Variants in CNBD1 observed in about 807,000 individuals in gnomAD.
The protein encoded by CNBD1 is cyclic nucleotide-binding domain-containing protein 1.
In CNBD1, 71 loss-of-function variants were observed where a neutral mutation model predicts 54.4. The ratio of observed to expected loss-of-function variants is 1.30; its 90% confidence interval spans 1.08 to 1.59. The LOEUF (loss-of-function observed/expected upper bound fraction) is 1.59, where lower values mean the gene tolerates loss of function less well. Ranked by LOEUF, CNBD1 falls within the 40% of genes most tolerant of loss-of-function variation. CNBD1 has a pLI of 0.00. For missense variants in CNBD1, 659 were observed against 518.0 expected (o/e 1.27, Z -2.64); for synonymous variants, 182 against 170.7 (o/e 1.07, Z -0.51).
chr8:86,988,161 TA>T lies in CNBD1; in HGVS notation c.431+48408del, dbSNP rs1332043470. Among the ~76,000 whole-genome samples the T allele has an allele frequency of 7.9e-3, 899 of 113,580 alleles. 6 individuals carry two copies. Among genetic ancestry groups the T allele is most frequent in the African/African-American group, 0.023 (691 of 30,346 alleles). 74.5% of individuals were successfully genotyped at this position (113,580 alleles called of 152,430 possible). A position where few individuals can be genotyped will look rare whatever the true frequency, so the allele number is the denominator to read the frequency against. On this transcript the variant is annotated intron_variant, in intron 4 of 10. Coordinates refer to ENST00000518476, the MANE Select transcript of CNBD1 (RefSeq NM_173538.3). ...TTGATAGGTTTTTTTTTTTTTTTTT[TA>T]TTACTGATTCAATTTTGAAATTCAC...
chr8:87,273,293 G>C (rs1478758974), intron 6 of CNBD1, among the ~76,000 whole-genome samples: 2 of 151,876 alleles, frequency 1.3e-5, no homozygotes, highest in African/African-American at 4.8e-5. Context: ...TCATGAAAAT[G>C]CTGAATCATG....
At chr8:87,057,160 C>T (rs1443054782) in intron 4 of CNBD1, among the ~76,000 whole-genome samples, 2 of 152,164 alleles carry the variant, frequency 1.3e-5, no homozygotes, top group Non-Finnish European at 1.5e-5. Context: ...CCTCATGCTT[C>T]TGTGAAGAAA....
downstream of CNBD1, among the ~76,000 whole-genome samples, chr8:87,387,242 T>G (rs62528163): frequency 0.048 from 7,295 of 152,088 alleles, 220 homozygotes; most frequent in Non-Finnish European, 0.06. Context: ...CAGGATCAAG[T>G]TCACACATAA....
chr8:87,032,710 T>G (rs1215824872), intron 4 of CNBD1, among the ~76,000 whole-genome samples: 1 of 152,242 alleles, frequency 6.6e-6, no homozygotes, highest in East Asian at 1.9e-4. Context: ...CAATCATTCT[T>G]CCACCATTTG....
At chr8:86,977,279 A>T (rs534773798) in intron 4 of CNBD1, among the ~76,000 whole-genome samples, 207 of 118,270 alleles carry the variant, frequency 1.8e-3, no homozygotes, top group African/African-American at 6.3e-3. Context: ...ATTTCTTTCA[A>T]TATAATTTTT....
At chr8:86,921,674 A>G (rs2131825129) in intron 3 of CNBD1, among the ~76,000 whole-genome samples, 1 of 152,268 alleles carries the variant, frequency 6.6e-6, no homozygotes, top group South Asian at 2.1e-4. Flanking sequence ...CACTACCACA[A>G]GAACAGTATG....
intron 4 of CNBD1, among the ~76,000 whole-genome samples, chr8:87,082,048 C>T (rs1811005611): frequency 6.6e-6 from 1 of 152,118 alleles, no homozygotes; most frequent in African/African-American, 2.4e-5. Flanking sequence ...ATTGTCAGGC[C>T]TCTGAGCCCA....
chr8:87,364,820 T>C (rs940598900), intron 10 of CNBD1, among the ~76,000 whole-genome samples: 3 of 152,094 alleles, frequency 2.0e-5, no homozygotes, highest in African/African-American at 7.2e-5. Context: ...AAGGACATGA[T>C]ATCATTCTTT....
intron 10 of CNBD1, among the ~76,000 whole-genome samples, chr8:87,375,924 A>C (rs1810921092): frequency 6.6e-6 from 1 of 151,944 alleles, no homozygotes. Flanking sequence ...ATGTTGATAA[A>C]AGATAAATAG....
chr8:86,943,190 G>A (rs1489551060), intron 4 of CNBD1, among the ~76,000 whole-genome samples: 1 of 151,708 alleles, frequency 6.6e-6, no homozygotes, highest in Non-Finnish European at 1.5e-5. Context: ...AAACCATCCT[G>A]GCCAACCTGG....
chr8:87,286,622 A>G lies in CNBD1; in HGVS notation c.993A>G (p.Ile331Met). 1 of 1,528,378 alleles carries G rather than the reference A, an allele frequency of 6.5e-7. No individual in the cohort carries two copies. Among genetic ancestry groups the G allele is most frequent in the Non-Finnish European group, 8.9e-7 (1 of 1,125,556 alleles). The allele number at this position is 1,528,378 out of a possible 1,614,324, so 94.7% of individuals were successfully genotyped here. A position where few individuals can be genotyped will look rare whatever the true frequency, so the allele number is the denominator to read the frequency against. The change falls in exon 8 of 11, where the codon ATA becomes ATG. Residue 331 changes from isoleucine to methionine, a missense_variant. By Grantham distance (10) the Ile-to-Met change is conservative (BLOSUM62 1). Transcript: ENST00000518476. ...ATGAGGAATGGCCTACTTTATCCAT[A>G]TATGAGCTAATTGCACTCCTTAAAT... ...PYYEEWPTLSIYELIALLKWK... is the reference protein window; with the variant it reads ...PYYEEWPTLSMYELIALLKWK...
chr8:86,887,532 T>G lies in CNBD1; in HGVS notation c.89-10T>G, dbSNP rs960637979. On this transcript the variant is annotated splice_polypyrimidine_tract_variant and intron_variant, in intron 1 of 10. Coordinates refer to ENST00000518476, the MANE Select transcript of CNBD1 (RefSeq NM_173538.3). ...AAAATTACTCAAATTTTTAATTGAT[T>G]TTTTTTCAGACTTGAAAAAGTCTAA... is the stretch of plus-strand genomic sequence containing the variant. 1 of 1,534,110 alleles carries G rather than the reference T, an allele frequency of 6.5e-7. No individual in the cohort carries two copies. The highest frequency in any genetic ancestry group is 1.4e-5 in the African/African-American group (1 of 72,618).
intron 10 of CNBD1, among the ~76,000 whole-genome samples, chr8:87,357,383 C>G (rs1810440170): frequency 6.6e-6 from 1 of 152,170 alleles, no homozygotes; most frequent in South Asian, 2.1e-4. Context: ...GGGCTGCATC[C>G]AGCAAAGCTG....
rs79984535 is a variant in CNBD1 at position 87,068,703 on chromosome 8, A to C, written c.431+128949A>C. On this transcript the variant is annotated intron_variant, in intron 4 of 10. Coordinates refer to ENST00000518476, the MANE Select transcript of CNBD1 (RefSeq NM_173538.3). ...TGTTTAGGATGTAACCTGTTTAGGT[A>C]GAGCATTATTAAAGTACATTTGAGG... Among the ~76,000 whole-genome samples, 295 of 152,220 alleles carry C rather than the reference A, an allele frequency of 1.9e-3. 1 individual carries two copies. Among genetic ancestry groups the C allele is most frequent in the African/African-American group, 6.3e-3 (260 of 41,578 alleles).
chr8:87,142,191 G>A (rs561215257), intron 4 of CNBD1, among the ~76,000 whole-genome samples: 19 of 152,258 alleles, frequency 1.2e-4, no homozygotes, highest in African/African-American at 4.3e-4. Flanking sequence ...GTGTTTGGGA[G>A]AGGTGTGAAA....
At chr8:87,351,047 A>G (rs547974631) in intron 8 of CNBD1, among the ~76,000 whole-genome samples, 35 of 152,296 alleles carry the variant, frequency 2.3e-4, no homozygotes, top group African/African-American at 8.2e-4. Context: ...TAAATACTTT[A>G]TATGCCCCAT....
At position 87,413,618 on chromosome 8, in the gene CNBD1, C is replaced by G. The variant is rs185207971; in HGVS notation, c.214-14928C>G. ...CTACAGTGTACACACTTAGAACCTA[C>G]TCATCTGACAAAGGGCTAATATCCA... On this transcript the variant is annotated intron_variant, in intron 2 of 7. Coordinates refer to the CNBD1 transcript ENST00000521593. Among the ~76,000 whole-genome samples the G allele has an allele frequency of 2.6e-5, 4 of 152,168 alleles. No individual in the cohort carries two copies. The East Asian group carries it at 5.8e-4, about 22-fold the overall frequency.
rs186700502 is a variant in CNBD1 at position 87,107,310 on chromosome 8, T to C, written c.432-98683T>C. Among the ~76,000 whole-genome samples, 97 of 152,322 alleles carry C rather than the reference T, an allele frequency of 6.4e-4. 1 individual carries two copies. The highest frequency in any genetic ancestry group is 2.3e-3 in the African/African-American group (95 of 41,576). On this transcript the variant is annotated intron_variant, in intron 4 of 10. Transcript: ENST00000518476. ...CACCTCTCCTGTTTCCTTCCAACTT[T>C]CCACTTGCTCCGTAGGTTCTAGTAA...
At chr8:87,427,705 G>T (rs553200059) in intron 2 of CNBD1, among the ~76,000 whole-genome samples, 10 of 152,260 alleles carry the variant, frequency 6.6e-5, no homozygotes, top group East Asian at 3.9e-4. Flanking sequence ...GGTTATTTTT[G>T]ATTTCAAGTA....
Sources: allele counts gnomAD v4.1 joint callset (sites outside exome capture counted in the v4.1 genomes callset), GRCh38; gene constraint gnomAD v4.1.1; transcripts MANE v1.5; gene names NCBI Gene and HGNC (gene_info 2026-07-23, HGNC 2026-07-21).